The following USP9X variants were observed in gnomAD, a reference collection of about 807,000 sequenced individuals.
USP9X encodes ubiquitin specific peptidase 9 X-linked.
USP9X carries 7 observed loss-of-function variants against 190.3 expected under a neutral mutation model. The ratio of observed to expected loss-of-function variants is 0.04; its 90% confidence interval spans 0.02 to 0.07. USP9X has a LOEUF of 0.07. USP9X is among the 10% of genes least tolerant of loss of function. The probability of loss-of-function intolerance (pLI) is 1.00; values close to 1 mark genes in which losing one functional copy is unlikely to be tolerated. For synonymous variants in USP9X, 645 were observed against 659.5 expected, an observed-to-expected ratio of 0.98 and a Z score of 0.34; for missense variants, 1,010 against 1,916.9, an observed-to-expected ratio of 0.53 and a Z score of 8.83.
Position 41,085,593 on chromosome X carries a change from G to T in USP9X, c.-675G>T, listed in dbSNP as rs1601919150. 7.3e-6 allele frequency: 2 copies of T among 274,637 alleles called. No individual in the cohort carries two copies. The highest frequency in any genetic ancestry group is 6.4e-5 in the Admixed American group (1 of 15,607). The allele number at this position is 274,637 out of a possible 1,213,427, so 22.6% of individuals were successfully genotyped here. A position where few individuals can be genotyped will look rare whatever the true frequency, so the allele number is the denominator to read the frequency against. ...CCTCCCCGCCTTACACAGCTCCCGG[G>T]CCTCGCGGGAGCCCGCCGCCGCCGC... On this transcript the variant is annotated 5_prime_UTR_variant, in exon 1 of 45. Transcript: ENST00000378308.
intron 14 of USP9X, among the ~76,000 whole-genome samples, chrX:41,161,484 C>T (rs1039192181): frequency 4.8e-5 from 5 of 104,704 alleles, no homozygotes; most frequent in African/African-American, 1.8e-4. Context: ...GGATTACAGG[C>T]GCCTGCCACC....
intron 30 of USP9X, among the ~76,000 whole-genome samples, chrX:41,199,539 C>G (rs997616732): frequency 3.6e-5 from 4 of 111,353 alleles, no homozygotes; most frequent in African/African-American, 9.8e-5. Context: ...AGTAGCTGGG[C>G]TTACAGGCGC....
chrX:41,193,670 A>AT (rs2062957379), intron 26 of USP9X, among the ~76,000 whole-genome samples: 1 of 110,995 alleles, frequency 9.0e-6, no homozygotes, highest in East Asian at 2.9e-4. Flanking sequence ...TCTCAAAAAA[A>AT]ATTTTTTTTT....
intron 12 of USP9X, 105 bp downstream of exon 12, chrX:41,148,680 G>T: frequency 1.2e-6 from 1 of 813,296 alleles, no homozygotes; most frequent in Non-Finnish European, 1.7e-6. Context: ...GTTTTTAAAT[G>T]ATCTTCCGGA....
At chrX:41,150,563 G>A (rs1324049856) in intron 12 of USP9X, among the ~76,000 whole-genome samples, 3 of 110,969 alleles carry the variant, frequency 2.7e-5, no homozygotes, top group Non-Finnish European at 5.7e-5. Flanking sequence ...TTTATGATAC[G>A]GTAGAATCTC....
intron 22 of USP9X, 30 bp downstream of exon 22, chrX:41,184,158 G>C (rs188972509): frequency 1.7e-6 from 2 of 1,159,372 alleles, no homozygotes; most frequent in African/African-American, 3.7e-5. Context: ...TGTTGTTGTT[G>C]TTTTCTTTGT....
At chrX:41,198,115 CCT>C (rs1434742078) in intron 29 of USP9X, among the ~76,000 whole-genome samples, 1 of 100,309 alleles carries the variant, frequency 1.0e-5, no homozygotes, top group African/African-American at 3.3e-5. Flanking sequence ...ATGAGGCAAA[CCT>C]CTGTTTTGTA....
At chrX:41,172,590 G>A (rs779027260) in intron 21 of USP9X, among the ~76,000 whole-genome samples, 5 of 111,859 alleles carry the variant, frequency 4.5e-5, no homozygotes, top group Admixed American at 9.5e-5. Context: ...CATCCTCCCA[G>A]TATTTGCTTA....
chrX:41,098,139 CTTTT>C (rs1166570050), intron 1 of USP9X, among the ~76,000 whole-genome samples: 1 of 100,850 alleles, frequency 9.9e-6, no homozygotes, highest in Admixed American at 1.1e-4. Context: ...ACCCTGACCT[CTTTT>C]TTTTTTTTTT....
chrX:41,151,176 A>G (rs1019270018), intron 13 of USP9X, 119 bp downstream of exon 13: 2 of 719,113 alleles, frequency 2.8e-6, no homozygotes, highest in Non-Finnish European at 3.9e-6. Flanking sequence ...AAGAGGCTAT[A>G]TAAGAAGTGT....
chrX:41,153,175 A>G, intron 14 of USP9X, 94 bp downstream of exon 14: 1 of 944,269 alleles, frequency 1.1e-6, no homozygotes, highest in Admixed American at 3.1e-5. Context: ...TCCTTTATGG[A>G]TTTAAGATCC....
chrX:41,175,956 A>G (rs1407903544), intron 21 of USP9X, among the ~76,000 whole-genome samples: 1 of 109,263 alleles, frequency 9.2e-6, no homozygotes, highest in Non-Finnish European at 1.9e-5. Flanking sequence ...CAGTGGCGCA[A>G]TCTCGGCTTA....
intron 32 of USP9X, 22 bp downstream of exon 32, chrX:41,205,515 A>G (rs1569193538): frequency 4.3e-6 from 5 of 1,158,107 alleles, no homozygotes; most frequent in Admixed American, 4.8e-5. Flanking sequence ...ATGGACAGTA[A>G]TAGAGATACT....
In USP9X at chrX:41,196,559, G is replaced by A. The variant is rs371788363; in HGVS notation, c.4087-33G>A. Reference sequence around the variant, plus strand: ...AAAAAAGTGGATTTTGAGGATGGACGTGTAAATTGATATTATTCTACTCTG... The same window carrying A: ...AAAAAAGTGGATTTTGAGGATGGACATGTAAATTGATATTATTCTACTCTG... On this transcript the variant is annotated intron_variant, in intron 27 of 44. Transcript: ENST00000378308. The A allele has an allele frequency of 2.1e-5, 25 of 1,195,659 alleles. No individual in the cohort carries two copies. The African/African-American group carries it at 3.7e-4, about 18-fold the overall frequency.
intron 1 of USP9X, among the ~76,000 whole-genome samples, chrX:41,115,257 T>C (rs1452187473): frequency 1.0e-5 from 1 of 99,034 alleles, no homozygotes; most frequent in Non-Finnish European, 2.1e-5. Flanking sequence ...AAAAAAAAAG[T>C]AGTGAGGTCT....
intron 2 of USP9X, among the ~76,000 whole-genome samples, chrX:41,127,938 G>C (rs897634967): frequency 1.8e-5 from 2 of 112,176 alleles, no homozygotes; most frequent in Non-Finnish European, 3.8e-5. Flanking sequence ...CATTTTGAAA[G>C]AGAAAATACC....
intron 38 of USP9X, among the ~76,000 whole-genome samples, chrX:41,220,816 G>A (rs759516693): frequency 9.2e-6 from 1 of 108,380 alleles, no homozygotes; most frequent in Non-Finnish European, 1.9e-5. Context: ...TTAGCAGGGC[G>A]TGGTGGCGGG....
At chrX:41,095,625 G>A (rs1296961846) in intron 1 of USP9X, among the ~76,000 whole-genome samples, 2 of 112,106 alleles carry the variant, frequency 1.8e-5, no homozygotes, top group East Asian at 5.6e-4. Flanking sequence ...GATACTGGGA[G>A]GGGAGGGGTT....
chrX:41,133,976 T>G (rs1019438282), intron 4 of USP9X, among the ~76,000 whole-genome samples: 3 of 112,265 alleles, frequency 2.7e-5, no homozygotes, highest in Non-Finnish European at 1.9e-5. Flanking sequence ...ACTTCTTTGC[T>G]AAGCATGTTC....
Sources: allele counts gnomAD v4.1 joint callset (sites outside exome capture counted in the v4.1 genomes callset), GRCh38; gene constraint gnomAD v4.1.1; transcripts MANE v1.5; gene names NCBI Gene and HGNC (gene_info 2026-07-23, HGNC 2026-07-21).